Variants in PRKN observed in about 807,000 individuals in gnomAD.
PRKN encodes parkin RBR E3 ubiquitin protein ligase.
A neutral mutation model predicts 59.5 loss-of-function variants in PRKN; 56 were observed. The ratio of observed to expected loss-of-function variants is 0.94; its 90% confidence interval spans 0.76 to 1.18. The LOEUF is 1.18. PRKN is among the 50% of genes most tolerant of loss of function. The probability of loss-of-function intolerance (pLI) is 0.00; values close to 1 mark genes in which losing one functional copy is unlikely to be tolerated. For synonymous variants in PRKN, 250 were observed against 222.1 expected (o/e 1.13, Z -1.12); for missense variants, 657 against 596.4 (o/e 1.10, Z -1.06).
intron 7 of PRKN, among the ~76,000 whole-genome samples, chr6:161,590,105 G>C (rs1404446042): frequency 6.6e-6 from 1 of 151,942 alleles, no homozygotes; most frequent in Non-Finnish European, 1.5e-5. Flanking sequence ...ATTAAATTCT[G>C]AAATGCAATT....
At chr6:161,777,830 ATG>A (rs1790014172) in intron 7 of PRKN, among the ~76,000 whole-genome samples, 2 of 136,636 alleles carry the variant, frequency 1.5e-5, no homozygotes, top group African/African-American at 6.4e-5. Context: ...ATATATGTAT[ATG>A]TATACGTATA....
chr6:162,553,787 G>A (rs1296540759), intron 1 of PRKN, among the ~76,000 whole-genome samples: 1 of 97,318 alleles, frequency 1.0e-5, no homozygotes, highest in South Asian at 3.8e-4. Context: ...GGGCAACAGA[G>A]CAAGAATCCA....
In PRKN at chr6:161,409,047, G is replaced by A. The variant is rs1042961178; in HGVS notation, c.1084-22170C>T. Among the ~76,000 whole-genome samples, 2 of 152,138 alleles carry A rather than the reference G, an allele frequency of 1.3e-5. No individual in the cohort carries two copies. Reference sequence around the variant, plus strand: ...TGCAACCTCTGCCTCCTGGGTTCAAGCGATTCTCCTGCCTCAGCCTCCCAA... The same window carrying A: ...TGCAACCTCTGCCTCCTGGGTTCAAACGATTCTCCTGCCTCAGCCTCCCAA... On this transcript the variant is annotated intron_variant, in intron 9 of 11. Coordinates refer to ENST00000366898, the MANE Select transcript of PRKN (RefSeq NM_004562.3). This position sits in a 1 kb window ranked among gnomAD's most constrained non-coding sequence, Gnocchi z 4.6.
chr6:161,734,544 A>G (rs1475221644), intron 7 of PRKN, among the ~76,000 whole-genome samples: 1 of 152,172 alleles, frequency 6.6e-6, no homozygotes, highest in Non-Finnish European at 1.5e-5. Flanking sequence ...GACTTGTGGA[A>G]ACTGAGGGGT....
intron 6 of PRKN, among the ~76,000 whole-genome samples, chr6:161,806,355 G>A (rs1473123163): frequency 6.6e-6 from 1 of 152,190 alleles, no homozygotes; most frequent in African/African-American, 2.4e-5. Context: ...CAGGACAGAG[G>A]CAGCGCATGA....
In PRKN at chr6:162,177,966, GC is replaced by G. The variant is rs147456358; in HGVS notation, c.534+23164del. On this transcript the variant is annotated intron_variant, in intron 4 of 11. Transcript: ENST00000366898. Reference sequence around the variant, plus strand: ...GCCTCTTGAAGGAGAACACTAGGTGGCATGCCTACCAAGCTCTGAAACACCA... The same window carrying G: ...GCCTCTTGAAGGAGAACACTAGGTGGATGCCTACCAAGCTCTGAAACACCA... Among the ~76,000 whole-genome samples, 653 of 152,258 alleles carry G rather than the reference GC, an allele frequency of 4.3e-3. 5 individuals are homozygous for G. The highest frequency in any genetic ancestry group is 0.015 in the African/African-American group (617 of 41,534).
At chr6:161,490,434 G>A (rs895614000) in intron 9 of PRKN, among the ~76,000 whole-genome samples, 1 of 134,588 alleles carries the variant, frequency 7.4e-6, no homozygotes, top group East Asian at 2.2e-4. Flanking sequence ...GCCCAGGCTG[G>A]AGTGCAGTGG....
chr6:162,352,017 G>C (rs758779680), intron 2 of PRKN, among the ~76,000 whole-genome samples: 2 of 152,144 alleles, frequency 1.3e-5, no homozygotes, highest in African/African-American at 4.8e-5. Context: ...GGACACCAGA[G>C]TGCTACTTAT....
intron 1 of PRKN, among the ~76,000 whole-genome samples, chr6:162,470,702 G>A (rs568736070): frequency 6.6e-6 from 1 of 152,210 alleles, no homozygotes; most frequent in South Asian, 2.1e-4. Context: ...CTAGTTTGAG[G>A]CAAAGCTACA....
intron 4 of PRKN, among the ~76,000 whole-genome samples, chr6:162,180,541 C>A (rs1159300538): frequency 2.0e-5 from 3 of 152,082 alleles, no homozygotes; most frequent in African/African-American, 7.2e-5. Context: ...TAAATCTCAC[C>A]AAAAAGAATT....
At chr6:161,959,373 C>T (rs1224435822) in intron 6 of PRKN, among the ~76,000 whole-genome samples, 2 of 152,154 alleles carry the variant, frequency 1.3e-5, no homozygotes, top group African/African-American at 4.8e-5. Flanking sequence ...TAAACTCACA[C>T]CAACTTCTGC....
At chr6:161,871,250 G>A (rs772940073) in intron 6 of PRKN, among the ~76,000 whole-genome samples, 5 of 152,100 alleles carry the variant, frequency 3.3e-5, no homozygotes, top group Admixed American at 6.6e-5. Flanking sequence ...ATCATTAGAC[G>A]TATGATGGTA....
chr6:161,458,847 A>G lies in PRKN; in HGVS notation c.1084-71970T>C, dbSNP rs1216686268. Among the ~76,000 whole-genome samples the G allele has an allele frequency of 1.3e-5, 2 of 152,186 alleles. No homozygotes were observed. Among genetic ancestry groups the G allele is most frequent in the African/African-American group, 4.8e-5 (2 of 41,454 alleles). On this transcript the variant is annotated intron_variant, in intron 9 of 11. Transcript: ENST00000366898. This position sits in a 1 kb window ranked among gnomAD's most constrained non-coding sequence, Gnocchi z 6.1. ...GTAAATTTTTAGGAAAGTGAAGAGCATATGGTCACTATGACTTGCTAGTAT... is the reference window on the plus strand; with the variant it reads ...GTAAATTTTTAGGAAAGTGAAGAGCGTATGGTCACTATGACTTGCTAGTAT...
intron 7 of PRKN, among the ~76,000 whole-genome samples, chr6:161,632,770 G>A (rs574714333): frequency 3.3e-5 from 5 of 152,276 alleles, no homozygotes; most frequent in East Asian, 3.9e-4. Context: ...TTCTTCACAC[G>A]GAGGCAGCAA....
At chr6:161,970,559 C>T (rs538317001) in intron 6 of PRKN, among the ~76,000 whole-genome samples, 8 of 150,166 alleles carry the variant, frequency 5.3e-5, no homozygotes, top group East Asian at 2.0e-4. Flanking sequence ...TTTCTTGAGA[C>T]GGAGTTTCAC....
chr6:161,374,315 T>G (rs1785562745), intron 10 of PRKN, among the ~76,000 whole-genome samples: 1 of 151,050 alleles, frequency 6.6e-6, no homozygotes, highest in South Asian at 2.1e-4. Context: ...TGCGCGTGTG[T>G]TGTGTGTGTA....
At chr6:162,573,672 T>G (rs1222560692) in intron 1 of PRKN, among the ~76,000 whole-genome samples, 1 of 152,220 alleles carries the variant, frequency 6.6e-6, no homozygotes, top group Non-Finnish European at 1.5e-5. Context: ...CCAATGCCAC[T>G]TCCATCACCC....
chr6:161,582,785 A>T lies in PRKN; in HGVS notation c.872-13369T>A, dbSNP rs1215885377. ...ATGAAACCAGACGTAAGTGTCATAC[A>T]TGCATGAATTGAGTTCAGAGCTGTC... On this transcript the variant is annotated intron_variant, in intron 7 of 11. Transcript: ENST00000366898. The surrounding 1 kb of genome is among the most constrained non-coding windows in gnomAD (Gnocchi z 4.4). Among the ~76,000 whole-genome samples, 1 of 152,180 alleles carries T rather than the reference A, an allele frequency of 6.6e-6. No individual in the cohort carries two copies. Among genetic ancestry groups the T allele is most frequent in the Non-Finnish European group, 1.5e-5 (1 of 68,040 alleles).
intron 6 of PRKN, among the ~76,000 whole-genome samples, chr6:161,893,305 A>C (rs1777487203): frequency 6.6e-6 from 1 of 152,234 alleles, no homozygotes; most frequent in Non-Finnish European, 1.5e-5. Flanking sequence ...GGTACCATAG[A>C]ATACTAACAT....
Sources: gnomAD v4.1 joint callset for allele counts (sites outside exome capture counted in the v4.1 genomes callset) on GRCh38, gnomAD v4.1.1 for gene constraint, Gnocchi (gnomAD v3.1) non-coding constraint, MANE v1.5 for transcripts, NCBI Gene and HGNC (gene_info 2026-07-23, HGNC 2026-07-21) for gene names.